Variants in KCNB2 observed in about 807,000 individuals in gnomAD.
KCNB2 encodes potassium voltage-gated channel subfamily B member 2.
Under a neutral mutation model 61.5 loss-of-function variants are expected in KCNB2, and 15 were observed. The ratio of observed to expected loss-of-function variants is 0.24; its 90% CI spans 0.16 to 0.38. KCNB2 has a LOEUF of 0.38. Ranked by LOEUF, KCNB2 falls within the 10% of genes least tolerant of loss-of-function variation. The pLI, the probability that KCNB2 is intolerant of heterozygous loss-of-function variation, is 1.00. For missense variants in KCNB2, 828 were observed against 1,125.2 expected (o/e 0.74, Z 3.78); for synonymous variants, 457 against 446.0 (o/e 1.02, Z -0.31).
intron 2 of KCNB2, among the ~76,000 whole-genome samples, chr8:72,793,497 G>A (rs1234938402): frequency 6.6e-6 from 1 of 152,166 alleles, no homozygotes; most frequent in Non-Finnish European, 1.5e-5. Flanking sequence ...GCAAGAATCA[G>A]AGGAGACATG....
intron 2 of KCNB2, among the ~76,000 whole-genome samples, chr8:72,799,124 C>A (rs1207532877): frequency 6.6e-6 from 1 of 152,044 alleles, no homozygotes; most frequent in Admixed American, 6.6e-5. Flanking sequence ...ATGAGAGTGC[C>A]CCATCACCAT....
chr8:72,684,614 A>T (rs560517054), intron 2 of KCNB2, among the ~76,000 whole-genome samples: 5 of 152,220 alleles, frequency 3.3e-5, no homozygotes, highest in Admixed American at 1.3e-4. Context: ...TAGAGATTCA[A>T]TTATGTCCTT....
At chr8:72,788,998 A>G (rs1473573441) in intron 2 of KCNB2, among the ~76,000 whole-genome samples, 1 of 152,154 alleles carries the variant, frequency 6.6e-6, no homozygotes, top group Non-Finnish European at 1.5e-5. Context: ...ATTACCTACC[A>G]TGTGCCAGAC....
At chr8:72,702,732 G>A (rs891410751) in intron 2 of KCNB2, among the ~76,000 whole-genome samples, 2 of 152,194 alleles carry the variant, frequency 1.3e-5, no homozygotes, top group African/African-American at 4.8e-5. Flanking sequence ...TAAATGTTGT[G>A]GTTTGTTTAA....
chr8:72,747,241 G>T (rs1159941106), intron 2 of KCNB2, among the ~76,000 whole-genome samples: 1 of 152,192 alleles, frequency 6.6e-6, no homozygotes, highest in Non-Finnish European at 1.5e-5. Flanking sequence ...AGGGCAAACA[G>T]GTTTAGTACT....
chr8:72,850,508 A>AC (rs1471378833), intron 2 of KCNB2, among the ~76,000 whole-genome samples: 1 of 152,202 alleles, frequency 6.6e-6, no homozygotes, highest in Non-Finnish European at 1.5e-5. Flanking sequence ...GGTGTGAGCC[A>AC]CTGCACCCAG....
intron 1 of KCNB2, among the ~76,000 whole-genome samples, chr8:72,561,735 C>CTATA: frequency 4.5e-5 from 1 of 22,114 alleles, no homozygotes; most frequent in African/African-American, 2.2e-4. Flanking sequence ...ATATCTATAT[C>CTATA]TATATATATA....
At chr8:72,689,661 T>C (rs1806910175) in intron 2 of KCNB2, among the ~76,000 whole-genome samples, 2 of 152,218 alleles carry the variant, frequency 1.3e-5, no homozygotes. Flanking sequence ...GTATGTGATC[T>C]TTGTGTTTGG....
chr8:72,616,584 T>C (rs1805623031), intron 2 of KCNB2, among the ~76,000 whole-genome samples: 1 of 152,204 alleles, frequency 6.6e-6, no homozygotes, highest in African/African-American at 2.4e-5. Flanking sequence ...TTCATCTCTA[T>C]CACTTTATTT....
At chr8:72,757,065 T>C (rs1487350322) in intron 2 of KCNB2, among the ~76,000 whole-genome samples, 1 of 152,104 alleles carries the variant, frequency 6.6e-6, no homozygotes, top group African/African-American at 2.4e-5. Context: ...AATGAGATTA[T>C]CTTAGGAGAG....
At chr8:72,709,021 T>A (rs1024247394) in intron 2 of KCNB2, among the ~76,000 whole-genome samples, 148 of 152,276 alleles carry the variant, frequency 9.7e-4, no homozygotes, top group African/African-American at 3.3e-3. Flanking sequence ...AAGGAGTCAC[T>A]AATAAAAAAT....
chr8:72,865,582 T>A (rs1382639114), intron 2 of KCNB2, among the ~76,000 whole-genome samples: 1 of 152,210 alleles, frequency 6.6e-6, no homozygotes, highest in Admixed American at 6.5e-5. Flanking sequence ...AACAATTGCT[T>A]AATATTAGTC....
At chr8:72,836,470 A>G (rs1334538551) in intron 2 of KCNB2, among the ~76,000 whole-genome samples, 1 of 152,060 alleles carries the variant, frequency 6.6e-6, no homozygotes, top group Non-Finnish European at 1.5e-5. Context: ...GCCTGGGTTG[A>G]CTCCTCTTGG....
chr8:72,772,760 G>T (rs1344149753), intron 2 of KCNB2, among the ~76,000 whole-genome samples: 1 of 152,164 alleles, frequency 6.6e-6, no homozygotes, highest in African/African-American at 2.4e-5. Flanking sequence ...AAATACACCG[G>T]TCTGTCCATT....
chr8:72,597,565 C>T lies in KCNB2; in HGVS notation c.579+29252C>T, dbSNP rs552868761. 2.0e-5 allele frequency among the ~76,000 whole-genome samples: 3 copies of T among 152,300 alleles called. No individual in the cohort carries two copies. In the South Asian group the frequency reaches 6.2e-4, roughly 32 times the overall value. On this transcript the variant is annotated intron_variant, in intron 2 of 2. Coordinates refer to ENST00000523207, the MANE Select transcript of KCNB2 (RefSeq NM_004770.3). Reference sequence around the variant, plus strand: ...CATACCATTATAGAAATTGATTTTACAGTCTTGCTTCAAATCTATCCCAAC... The same window carrying T: ...CATACCATTATAGAAATTGATTTTATAGTCTTGCTTCAAATCTATCCCAAC...
At chr8:72,767,097 C>T (rs959006204) in intron 2 of KCNB2, among the ~76,000 whole-genome samples, 43 of 152,124 alleles carry the variant, frequency 2.8e-4, no homozygotes, top group Non-Finnish European at 3.8e-4. Context: ...GATTCAATTA[C>T]CTCCCCCTGG....
intron 2 of KCNB2, among the ~76,000 whole-genome samples, chr8:72,728,161 G>A (rs1489318147): frequency 6.6e-6 from 1 of 152,162 alleles, no homozygotes. Context: ...AAATGTCCCT[G>A]TTCTCAGTTT....
At chr8:72,599,588 T>G (rs1807257337) in intron 2 of KCNB2, among the ~76,000 whole-genome samples, 1 of 151,620 alleles carries the variant, frequency 6.6e-6, no homozygotes, top group South Asian at 2.1e-4. Flanking sequence ...CAAAAGCCAT[T>G]GACAAATGGG....
intron 2 of KCNB2, among the ~76,000 whole-genome samples, chr8:72,717,135 A>G (rs1303095327): frequency 2.0e-5 from 3 of 152,340 alleles, no homozygotes; most frequent in African/African-American, 7.2e-5. Context: ...AAGGAGAACT[A>G]CAAATCACAA....
Sources: allele counts gnomAD v4.1 joint callset (sites outside exome capture counted in the v4.1 genomes callset), GRCh38; gene constraint gnomAD v4.1.1; transcripts MANE v1.5; gene names NCBI Gene and HGNC (gene_info 2026-07-23, HGNC 2026-07-21).